The following NCAM2 variants were observed in gnomAD, a reference collection of about 807,000 sequenced individuals.
The protein encoded by NCAM2 is N-CAM-2.
A neutral mutation model predicts 98.1 loss-of-function variants in NCAM2; 30 were observed. The ratio of observed to expected loss-of-function variants is 0.31; its 90% CI spans 0.23 to 0.41. The LOEUF (loss-of-function observed/expected upper bound fraction) is 0.41. Ranked by LOEUF, NCAM2 falls within the 10% of genes least tolerant of loss-of-function variation. NCAM2 has a pLI of 1.00. For synonymous variants in NCAM2, 368 were observed against 342.4 expected, an observed-to-expected ratio of 1.07 and a Z score of -0.83; for missense variants, 867 against 1,005.8, an observed-to-expected ratio of 0.86 and a Z score of 1.87.
At chr21:21,414,737 G>A (rs1334859581) in intron 10 of NCAM2, among the ~76,000 whole-genome samples, 1 of 152,044 alleles carries the variant, frequency 6.6e-6, no homozygotes, top group African/African-American at 2.4e-5. Context: ...CCAAAGTGCT[G>A]GGATTACAGG....
intron 6 of NCAM2, among the ~76,000 whole-genome samples, chr21:21,325,577 T>C (rs232471): frequency 0.68 from 103,691 of 151,956 alleles, 36,135 homozygotes; most frequent in Non-Finnish European, 0.77. Flanking sequence ...TATTAACATA[T>C]CCACCCCAGA....
At chr21:21,237,027 T>G (rs2070859428) in intron 1 of NCAM2, among the ~76,000 whole-genome samples, 1 of 152,186 alleles carries the variant, frequency 6.6e-6, no homozygotes, top group Non-Finnish European at 1.5e-5. Context: ...ACGTTAGACT[T>G]CTGCTCCTTA....
At chr21:21,020,879 A>T (rs1406732077) in intron 1 of NCAM2, among the ~76,000 whole-genome samples, 1 of 152,186 alleles carries the variant, frequency 6.6e-6, no homozygotes, top group Non-Finnish European at 1.5e-5. Context: ...CCCTATCTTT[A>T]TACCCTCTGG....
At chr21:21,394,647 C>A (rs574147053) in intron 9 of NCAM2, among the ~76,000 whole-genome samples, 3 of 151,706 alleles carry the variant, frequency 2.0e-5, no homozygotes, top group Non-Finnish European at 4.4e-5. Flanking sequence ...CGCCACCACA[C>A]CCGCTAATTT....
At chr21:21,448,301 C>T (rs1167677924) in intron 12 of NCAM2, among the ~76,000 whole-genome samples, 1 of 151,878 alleles carries the variant, frequency 6.6e-6, no homozygotes, top group Non-Finnish European at 1.5e-5. Flanking sequence ...GAACAGAAAA[C>T]CAAACACCTC....
At chr21:21,387,217 C>T (rs2076289776) in intron 9 of NCAM2, among the ~76,000 whole-genome samples, 1 of 149,968 alleles carries the variant, frequency 6.7e-6, no homozygotes, top group African/African-American at 2.5e-5. Flanking sequence ...CACACACACA[C>T]ACACACAAAT....
chr21:21,468,702 T>C lies in NCAM2; in HGVS notation c.1815T>C (p.Ser605=), dbSNP rs753097356. Residue 605 remains serine, a synonymous_variant, in exon 14 of 18, where the codon AGT becomes AGC. Coordinates refer to ENST00000400546, the MANE Select transcript of NCAM2 (RefSeq NM_004540.5). ...SPPSIHGQPS[S]GKSFKLSITK... The stretch of plus-strand genomic sequence containing the variant: ...CATCCATACATGGACAGCCAAGCAG[T>C]GGAAAGAGCTTTAAACTCAGCATCA... 7 of 1,611,962 alleles carry C rather than the reference T, an allele frequency of 4.3e-6. No individual in the cohort carries two copies. The highest frequency in any genetic ancestry group is 1.7e-5 in the Admixed American group (1 of 59,746).
At chr21:21,463,782 G>A (rs1368641655) in intron 12 of NCAM2, 1 of 152,066 alleles carries the variant, frequency 6.6e-6, no homozygotes, top group Non-Finnish European at 1.5e-5. Context: ...GAAGGAAGGG[G>A]ATTGCTGACA....
chr21:21,057,052 CT>C (rs1281816834), intron 1 of NCAM2, among the ~76,000 whole-genome samples: 3 of 151,920 alleles, frequency 2.0e-5, no homozygotes, highest in Non-Finnish European at 2.9e-5. Flanking sequence ...TATATAAATA[CT>C]TTCCCCCCAA....
chr21:21,523,414 C>A (rs981382200), intron 16 of NCAM2, among the ~76,000 whole-genome samples: 2 of 150,918 alleles, frequency 1.3e-5, no homozygotes, highest in Non-Finnish European at 2.9e-5. Context: ...ATATGGATAT[C>A]TATCTAGTTT....
At chr21:21,030,597 A>G (rs1371158421) in intron 1 of NCAM2, among the ~76,000 whole-genome samples, 1 of 152,176 alleles carries the variant, frequency 6.6e-6, no homozygotes, top group Non-Finnish European at 1.5e-5. Flanking sequence ...CAACATTCAC[A>G]TGCTCCAGGG....
chr21:21,179,361 G>A (rs976407942), intron 1 of NCAM2, among the ~76,000 whole-genome samples: 15 of 151,912 alleles, frequency 9.9e-5, no homozygotes, highest in African/African-American at 1.7e-4. Context: ...ATATTTGAAA[G>A]CAGTACAAAG....
In NCAM2 at chr21:21,064,306, A is replaced by T. The variant is rs144731043; in HGVS notation, c.55+65688A>T. 7.9e-4 allele frequency among the ~76,000 whole-genome samples: 120 copies of T among 152,316 alleles called. 2 individuals are homozygous for T. The East Asian group carries it at 0.019, about 24-fold the overall frequency. On this transcript the variant is annotated intron_variant, in intron 1 of 17. Coordinates refer to ENST00000400546, the MANE Select transcript of NCAM2 (RefSeq NM_004540.5). ...GAGACTCAGTCTAGCTATCTTAAAG[A>T]ACAATGTTAATCTTCATTCTGGCAT...
chr21:21,198,992 T>G lies in NCAM2; in HGVS notation c.56-81586T>G, dbSNP rs1326041828. Among the ~76,000 whole-genome samples, 3 of 152,340 alleles carry G rather than the reference T, an allele frequency of 2.0e-5. No homozygotes were observed. In the East Asian group the frequency reaches 5.8e-4, roughly 29 times the overall value. On this transcript the variant is annotated intron_variant, in intron 1 of 17. Coordinates refer to ENST00000400546, the MANE Select transcript of NCAM2 (RefSeq NM_004540.5). ...TGTAGGGTTACCTTCTGTTCTGGTT[T>G]GCTGGAACAGTCCCATTTATGATTT...
At chr21:21,217,323 A>G (rs920987732) in intron 1 of NCAM2, among the ~76,000 whole-genome samples, 2 of 152,178 alleles carry the variant, frequency 1.3e-5, no homozygotes, top group Admixed American at 6.5e-5. Context: ...CACGAAGTCC[A>G]AAAACAAGAG....
At chr21:21,392,857 C>T (rs1399764883) in intron 9 of NCAM2, among the ~76,000 whole-genome samples, 1 of 152,092 alleles carries the variant, frequency 6.6e-6, no homozygotes, top group East Asian at 1.9e-4. Context: ...AGACCTTTAT[C>T]AAATGCATAG....
chr21:21,004,946 A>G (rs922365451), intron 1 of NCAM2, among the ~76,000 whole-genome samples: 3 of 152,166 alleles, frequency 2.0e-5, no homozygotes, highest in Non-Finnish European at 4.4e-5. Context: ...GTGAGAGTAA[A>G]TGGAGAAGAT....
At chr21:21,283,303 C>T (rs567895277) in intron 2 of NCAM2, among the ~76,000 whole-genome samples, 1 of 152,046 alleles carries the variant, frequency 6.6e-6, no homozygotes, top group South Asian at 2.1e-4. Context: ...TGACTTCATG[C>T]ATTTCCACAT....
intron 1 of NCAM2, among the ~76,000 whole-genome samples, chr21:21,218,250 G>A (rs181068783): frequency 1.1e-4 from 16 of 152,250 alleles, no homozygotes; most frequent in East Asian, 9.6e-4. Context: ...AGTCCAGTGC[G>A]CAGTAAAGTT....
Sources: gnomAD v4.1 joint callset for allele counts (sites outside exome capture counted in the v4.1 genomes callset) on GRCh38, gnomAD v4.1.1 for gene constraint, MANE v1.5 for transcripts, NCBI Gene and HGNC (gene_info 2026-07-23, HGNC 2026-07-21) for gene names.